The following FAM193A variants were observed in gnomAD, a reference collection of about 807,000 sequenced individuals.
FAM193A encodes the protein family with sequence similarity 193 member A, also known as protein FAM193A.
In FAM193A, 22 loss-of-function variants were observed where a neutral mutation model predicts 126.5. The ratio of observed to expected loss-of-function variants is 0.17; its 90% CI spans 0.12 to 0.25. FAM193A has a LOEUF of 0.25. FAM193A is among the 10% of genes least tolerant of loss of function. The probability of loss-of-function intolerance (pLI) is 1.00; values close to 1 mark genes in which losing one functional copy is unlikely to be tolerated. For missense variants in FAM193A, 1,675 were observed against 1,672.8 expected (o/e 1.00, Z -0.02); for synonymous variants, 761 against 646.8 (o/e 1.18, Z -2.68).
intron 2 of FAM193A, among the ~76,000 whole-genome samples, chr4:2,614,591 G>A (rs1483389829): frequency 6.6e-6 from 1 of 152,128 alleles, no homozygotes; most frequent in African/African-American, 2.4e-5. Flanking sequence ...ATCTTTGTGT[G>A]GTTTTGATGT....
At chr4:2,600,552 A>G (rs950378510) in intron 2 of FAM193A, among the ~76,000 whole-genome samples, 1 of 152,002 alleles carries the variant, frequency 6.6e-6, no homozygotes, top group African/African-American at 2.4e-5. Context: ...TGCTTCTTAG[A>G]CTACGTGTAC....
chr4:2,667,583 C>T (rs1406828477), intron 12 of FAM193A, among the ~76,000 whole-genome samples: 3 of 152,236 alleles, frequency 2.0e-5, no homozygotes, highest in East Asian at 3.9e-4. Context: ...TGTTTCTTAA[C>T]GTCCGTTTTA....
At chr4:2,714,767 G>A (rs1439521556) in intron 19 of FAM193A, among the ~76,000 whole-genome samples, 1 of 152,166 alleles carries the variant, frequency 6.6e-6, no homozygotes, top group East Asian at 1.9e-4. Flanking sequence ...AAGAAATGGA[G>A]TGTTTATTAA....
At chr4:2,542,001 C>T (rs895879445) in intron 1 of FAM193A, among the ~76,000 whole-genome samples, 1 of 151,738 alleles carries the variant, frequency 6.6e-6, no homozygotes, top group Non-Finnish European at 1.5e-5. Context: ...CAGGAGTGCA[C>T]CACCACACCT....
chr4:2,679,835 G>A (rs1714895184), intron 13 of FAM193A, among the ~76,000 whole-genome samples: 1 of 151,268 alleles, frequency 6.6e-6, no homozygotes, highest in African/African-American at 2.4e-5. Context: ...AAGCCATCAG[G>A]TTTGGGGCTT....
chr4:2,628,963 C>A (rs1334244035), intron 4 of FAM193A, among the ~76,000 whole-genome samples: 1 of 151,980 alleles, frequency 6.6e-6, no homozygotes, highest in East Asian at 1.9e-4. Flanking sequence ...TGCCATTCTC[C>A]TGCCTCAGCC....
intron 1 of FAM193A, among the ~76,000 whole-genome samples, chr4:2,583,496 C>G (rs1740068412): frequency 6.6e-6 from 1 of 152,078 alleles, no homozygotes; most frequent in South Asian, 2.1e-4. Flanking sequence ...AGTGGAATTT[C>G]TTTCCCCTCC....
intron 1 of FAM193A, among the ~76,000 whole-genome samples, chr4:2,581,260 T>C (rs1178690197): frequency 6.6e-6 from 1 of 150,584 alleles, no homozygotes; most frequent in African/African-American, 2.4e-5. Context: ...TCTTTCTTTT[T>C]TTTTTTTTTT....
chr4:2,644,654 CCT>C (rs150981317), intron 6 of FAM193A, among the ~76,000 whole-genome samples: 1,598 of 152,228 alleles, frequency 0.01, 32 homozygotes, highest in African/African-American at 0.036. Context: ...TTACACCTAA[CCT>C]CTGCTGCCTT....
intron 1 of FAM193A, among the ~76,000 whole-genome samples, chr4:2,546,285 C>T (rs1447849505): frequency 6.6e-6 from 1 of 151,942 alleles, no homozygotes; most frequent in African/African-American, 2.4e-5. Flanking sequence ...GGCTACTGTC[C>T]CAGCCAAAAT....
intron 1 of FAM193A, among the ~76,000 whole-genome samples, chr4:2,558,001 T>C (rs1180719713): frequency 6.7e-6 from 1 of 150,284 alleles, no homozygotes; most frequent in Non-Finnish European, 1.5e-5. Flanking sequence ...GGCTGGGCGC[T>C]ATGGCTCATG....
At chr4:2,589,808 G>A (rs1253259910) in intron 1 of FAM193A, among the ~76,000 whole-genome samples, 1 of 152,212 alleles carries the variant, frequency 6.6e-6, no homozygotes, top group African/African-American at 2.4e-5. Context: ...ACACATAACA[G>A]TGTTCCCTGG....
At chr4:2,620,602 T>C (rs1260314356) in intron 2 of FAM193A, among the ~76,000 whole-genome samples, 1 of 152,008 alleles carries the variant, frequency 6.6e-6, no homozygotes, top group Non-Finnish European at 1.5e-5. Context: ...AATCCAGCAC[T>C]CTGGGAGGCT....
intron 2 of FAM193A, among the ~76,000 whole-genome samples, chr4:2,622,257 CAAAA>C (rs71178493): frequency 3.1e-4 from 17 of 55,564 alleles, no homozygotes; most frequent in Non-Finnish European, 4.6e-4. Context: ...ACCCTGTCTC[CAAAA>C]AAAAAAAAAA....
intron 2 of FAM193A, chr4:2,608,178 G>A (rs1450069045): frequency 6.5e-7 from 1 of 1,540,750 alleles, no homozygotes; most frequent in Non-Finnish European, 8.9e-7. Context: ...ATACCAAGAG[G>A]ACTTCATTTT....
At position 2,677,440 on chromosome 4, in the gene FAM193A, T is replaced by G. The variant is rs560980998; in HGVS notation, c.2331+5068T>G. On this transcript the variant is annotated intron_variant, in intron 13 of 20. Coordinates refer to ENST00000637812, the MANE Select transcript of FAM193A (RefSeq NM_001366318.2). ...TGTTTTGTTTTGTTTTTGTTTTTTT[T>G]GTAGAGATTGTTTGGGTTGGCCGGG... Among the ~76,000 whole-genome samples the G allele has an allele frequency of 7.9e-5, 12 of 152,146 alleles. No individual in the cohort carries two copies. In the East Asian group the frequency reaches 9.6e-4, roughly 12 times the overall value.
intron 1 of FAM193A, among the ~76,000 whole-genome samples, chr4:2,559,992 C>G (rs1738513139): frequency 6.6e-6 from 1 of 150,934 alleles, no homozygotes; most frequent in Non-Finnish European, 1.5e-5. Context: ...GAGTTTCACT[C>G]TTGTTGCCCA....
At chr4:2,728,896 CTTTTTTTTTTTT>C (rs34029424) in intron 20 of FAM193A, among the ~76,000 whole-genome samples, 3 of 97,148 alleles carry the variant, frequency 3.1e-5, no homozygotes, top group African/African-American at 1.6e-4. Context: ...ACCTCCAAAA[CTTTTTTTTTTTT>C]TTTTTTTTTT....
intron 5 of FAM193A, among the ~76,000 whole-genome samples, chr4:2,633,409 C>G (rs894696926): frequency 6.0e-5 from 9 of 151,112 alleles, no homozygotes; most frequent in African/African-American, 1.7e-4. Flanking sequence ...ACACACAAAA[C>G]AAAACAAAAT....
Sources: gnomAD v4.1 joint callset for allele counts (sites outside exome capture counted in the v4.1 genomes callset) on GRCh38, gnomAD v4.1.1 for gene constraint, MANE v1.5 for transcripts, NCBI Gene and HGNC (gene_info 2026-07-23, HGNC 2026-07-21) for gene names.